HSD17B12: variants seen among roughly 807,000 people sequenced by gnomAD.
The protein encoded by HSD17B12 is hydroxysteroid 17-beta dehydrogenase 12, also known as very-long-chain 3-oxoacyl-CoA reductase.
HSD17B12 carries 32 observed loss-of-function variants against 39.3 expected under a neutral mutation model. That is an observed-to-expected ratio of 0.81 (90% CI 0.61 to 1.09). The LOEUF (loss-of-function observed/expected upper bound fraction) is 1.09. Ranked by LOEUF, HSD17B12 falls within the 50% of genes least tolerant of loss-of-function variation. The pLI is 0.00. For synonymous variants in HSD17B12, 150 were observed against 146.7 expected (o/e 1.02, Z -0.16); for missense variants, 342 against 382.9 (o/e 0.89, Z 0.89).
At chr11:43,771,495 A>G (rs1950649358) in intron 3 of HSD17B12, among the ~76,000 whole-genome samples, 2 of 114,480 alleles carry the variant, frequency 1.7e-5, no homozygotes, top group South Asian at 2.9e-4. Context: ...GAGACAGAGT[A>G]TCGCTCTGTC....
intron 3 of HSD17B12, among the ~76,000 whole-genome samples, chr11:43,781,083 T>C (rs1031123251): frequency 6.6e-6 from 1 of 152,168 alleles, no homozygotes; most frequent in African/African-American, 2.4e-5. Flanking sequence ...CCTGTTCTTA[T>C]CTTGTCTTCC....
the HSD17B12 span, among the ~76,000 whole-genome samples, chr11:43,668,381 CA>C: frequency 2.0e-5 from 3 of 152,154 alleles, no homozygotes; most frequent in Non-Finnish European, 4.4e-5. Context: ...AAAGATTCTC[CA>C]ATTTTAAGGA....
intron 7 of HSD17B12, among the ~76,000 whole-genome samples, chr11:43,837,347 A>G (rs1268000324): frequency 6.6e-6 from 1 of 152,116 alleles, no homozygotes; most frequent in Non-Finnish European, 1.5e-5. Context: ...GGAACCTAGT[A>G]TGGGAGATAG....
At chr11:43,764,364 G>T (rs571970109) in intron 3 of HSD17B12, among the ~76,000 whole-genome samples, 5 of 152,224 alleles carry the variant, frequency 3.3e-5, no homozygotes, top group Non-Finnish European at 7.4e-5. Context: ...TTTTGTCCTT[G>T]TCTAATAATT....
At chr11:43,756,079 T>C (rs1950505429) in intron 3 of HSD17B12, among the ~76,000 whole-genome samples, 1 of 152,150 alleles carries the variant, frequency 6.6e-6, no homozygotes, top group Non-Finnish European at 1.5e-5. Flanking sequence ...CCCCCATGGT[T>C]CAATTGTCTC....
chr11:43,833,193 A>G (rs892362239), intron 7 of HSD17B12: 1 of 152,220 alleles, frequency 6.6e-6, no homozygotes, highest in Admixed American at 6.5e-5. Flanking sequence ...TTATGAATCA[A>G]TACTTTTGGT....
intron 3 of HSD17B12, among the ~76,000 whole-genome samples, chr11:43,782,674 C>CAAA (rs35805476): frequency 1.5e-4 from 16 of 104,294 alleles, no homozygotes; most frequent in South Asian, 3.0e-4. Flanking sequence ...GACTCTGTCT[C>CAAA]AAAAAAAAAA....
chr11:43,566,913 A>T, the HSD17B12 span, among the ~76,000 whole-genome samples: 1 of 152,240 alleles, frequency 6.6e-6, no homozygotes, highest in South Asian at 2.1e-4. Context: ...CAGCAGGGAA[A>T]GGACTGCAGA....
intron 7 of HSD17B12, among the ~76,000 whole-genome samples, chr11:43,834,448 G>A (rs1203201203): frequency 6.6e-6 from 1 of 151,562 alleles, no homozygotes; most frequent in Non-Finnish European, 1.5e-5. Flanking sequence ...GATTAACCCT[G>A]CAGTTCCGGT....
chr11:43,816,573 G>A (rs1951125086), intron 6 of HSD17B12, among the ~76,000 whole-genome samples, 182 bp downstream of exon 6: 1 of 151,928 alleles, frequency 6.6e-6, no homozygotes, highest in African/African-American at 2.4e-5. Flanking sequence ...CCAAGCAGGT[G>A]CCTGTATTAT....
At chr11:43,598,252 C>T in the HSD17B12 span, among the ~76,000 whole-genome samples, 1 of 152,166 alleles carries the variant, frequency 6.6e-6, no homozygotes, top group Non-Finnish European at 1.5e-5. Flanking sequence ...AGATACTACC[C>T]CTTCTTCCCA....
In HSD17B12 at chr11:43,704,058, T is replaced by C. The variant is rs566128247; in HGVS notation, c.160+23071T>C. 8.7e-4 allele frequency among the ~76,000 whole-genome samples: 133 copies of C among 152,324 alleles called. 1 individual carries two copies. Among genetic ancestry groups the C allele is most frequent in the Non-Finnish European group, 1.3e-3 (87 of 68,024 alleles). On this transcript the variant is annotated intron_variant, in intron 1 of 10. Coordinates refer to ENST00000278353, the MANE Select transcript of HSD17B12 (RefSeq NM_016142.3). Reference sequence around the variant, plus strand: ...GGCACAAAGTCCTTGGGCAAAGAGATGCATTTGGAACGTGCTCCCCAGTGG... The same window carrying C: ...GGCACAAAGTCCTTGGGCAAAGAGACGCATTTGGAACGTGCTCCCCAGTGG...
intron 4 of HSD17B12, among the ~76,000 whole-genome samples, chr11:43,813,717 T>G (rs1271792504): frequency 6.6e-6 from 1 of 152,204 alleles, no homozygotes; most frequent in Non-Finnish European, 1.5e-5. Context: ...GAATTGACTC[T>G]TGGGATGCCT....
At chr11:43,752,719 A>T (rs1950476805) in intron 2 of HSD17B12, among the ~76,000 whole-genome samples, 1 of 152,056 alleles carries the variant, frequency 6.6e-6, no homozygotes, top group Admixed American at 6.6e-5. Context: ...GTCTCAAAAA[A>T]AAAAATAAGT....
At chr11:43,733,014 G>T (rs1462195995) in intron 1 of HSD17B12, among the ~76,000 whole-genome samples, 1 of 152,136 alleles carries the variant, frequency 6.6e-6, no homozygotes, top group Non-Finnish European at 1.5e-5. Context: ...AGTGACTTGG[G>T]CACAATATGA....
In HSD17B12 at chr11:43,855,400, G is replaced by A; in HGVS notation, c.*152G>A. On this transcript the variant is annotated 3_prime_UTR_variant, in exon 11 of 11. Coordinates refer to ENST00000278353, the MANE Select transcript of HSD17B12 (RefSeq NM_016142.3). The stretch of plus-strand genomic sequence containing the variant: ...CTTAATTAAGAGGAAAATAGAAGTT[G>A]CTTTTAGGGGTTTCTGACATATATT... The A allele has an allele frequency of 2.2e-6, 1 of 461,832 alleles. No homozygotes were observed. The highest frequency in any genetic ancestry group is 3.8e-6 in the Non-Finnish European group (1 of 263,972). 28.6% of individuals were successfully genotyped at this position (461,832 alleles called of 1,614,324 possible). A position where few individuals can be genotyped will look rare whatever the true frequency, so the allele number is the denominator to read the frequency against.
intron 3 of HSD17B12, among the ~76,000 whole-genome samples, chr11:43,785,830 G>A (rs1267195938): frequency 6.6e-6 from 1 of 152,112 alleles, no homozygotes; most frequent in Admixed American, 6.6e-5. Flanking sequence ...TATCCATCAT[G>A]ACTTTGTAAC....
At position 43,838,362 on chromosome 11, in the gene HSD17B12, C is replaced by G. The variant is rs563265210; in HGVS notation, c.582C>G (p.Leu194=). Residue 194 remains leucine, a synonymous_variant, in exon 8 of 11, where the codon CTC becomes CTG. Transcript: ENST00000278353. ...ILNISSGSGM[L]PVPLLTIYSA... ...ACATTTCATCTGGCAGTGGCATGCT[C>G]CCTGTCCCACTCTTGACCATCTATT... The G allele has an allele frequency of 7.4e-6, 12 of 1,613,184 alleles. No homozygotes were observed. In the African/African-American group the frequency reaches 1.2e-4, roughly 16 times the overall value.
the HSD17B12 span, among the ~76,000 whole-genome samples, chr11:43,633,501 C>T: frequency 6.6e-6 from 1 of 152,106 alleles, no homozygotes; most frequent in African/African-American, 2.4e-5. Context: ...CACTGCACTA[C>T]AGCCTGGGTG....
Sources: gnomAD v4.1 joint callset for allele counts (sites outside exome capture counted in the v4.1 genomes callset) on GRCh38, gnomAD v4.1.1 for gene constraint, MANE v1.5 for transcripts, NCBI Gene and HGNC (gene_info 2026-07-23, HGNC 2026-07-21) for gene names.